Variants in MGRN1 observed in about 807,000 individuals in gnomAD.
MGRN1 encodes E3 ubiquitin-protein ligase MGRN1.
MGRN1 carries 29 observed loss-of-function variants against 69.2 expected under a neutral mutation model. That is an observed-to-expected ratio of 0.42 (90% CI 0.31 to 0.57). MGRN1 has a LOEUF of 0.57. Ranked by LOEUF, MGRN1 falls within the 20% of genes least tolerant of loss-of-function variation. The pLI is 0.15. For synonymous variants in MGRN1, 470 were observed against 344.2 expected, an observed-to-expected ratio of 1.37 and a Z score of -4.04; for missense variants, 998 against 796.2, an observed-to-expected ratio of 1.25 and a Z score of -3.05.
rs1327830148 is a variant in MGRN1 at position 4,683,844 on chromosome 16, G to A, written c.1530G>A (p.Gly510=). ...EVDESSSPQQ[G]TRAASIENVL... ...CCTAACCTCACCCTCTGCCTGCAGG[G>A]ACCCGAGCAGCTTCCATTGAGAATG... is the stretch of plus-strand genomic sequence containing the variant. Residue 510 remains glycine, a splice_region_variant and synonymous_variant, in exon 16 of 17, where the codon GGG becomes GGA. Transcript: ENST00000262370. The A allele has an allele frequency of 6.2e-7, 1 of 1,612,122 alleles. No individual in the cohort carries two copies. The highest frequency in any genetic ancestry group is 2.2e-5 in the East Asian group (1 of 44,802).
At chr16:4,675,546 C>G (rs573987323) in intron 10 of MGRN1, among the ~76,000 whole-genome samples, 1 of 152,190 alleles carries the variant, frequency 6.6e-6, no homozygotes, top group Admixed American at 6.5e-5. Flanking sequence ...CGAGACTAGC[C>G]TGGGCAACAT....
Position 4,689,059 on chromosome 16 carries a change from A to C in MGRN1, c.*151A>C, listed in dbSNP as rs754222768. ...CCGTGGTGACTCTTGATCAAAGAGC[A>C]CAGTGAACTGTCCCTTCTGAGTCTC... On this transcript the variant is annotated 3_prime_UTR_variant, in exon 17 of 17. Coordinates refer to ENST00000262370, the MANE Select transcript of MGRN1 (RefSeq NM_015246.4). 9 of 1,045,354 alleles carry C rather than the reference A, an allele frequency of 8.6e-6. No homozygotes were observed. The highest frequency in any genetic ancestry group is 1.2e-5 in the Non-Finnish European group (9 of 749,714). 64.8% of individuals were successfully genotyped at this position (1,045,354 alleles called of 1,614,324 possible). A position where few individuals can be genotyped will look rare whatever the true frequency, so the allele number is the denominator to read the frequency against.
rs1315128902 is a variant in MGRN1 at position 4,673,625 on chromosome 16, A to T, written c.923A>T (p.Tyr308Phe). 1 of 1,613,484 alleles carries T rather than the reference A, an allele frequency of 6.2e-7. No individual in the cohort carries two copies. The highest frequency in any genetic ancestry group is 1.1e-5 in the South Asian group (1 of 91,068). The change falls in exon 10 of 17, where the codon TAC becomes TTC. Residue 308 changes from tyrosine (Y) to phenylalanine (F), a missense_variant. Transcript: ENST00000262370. ...LCTSCADTLR[Y>F]QANNCPICRL... ...ACCTCCTGCGCCGACACGCTGCGCT[A>T]CCAGGCCAACAACTGCCCCATCTGC... is the stretch of plus-strand genomic sequence containing the variant.
intron 1 of MGRN1, among the ~76,000 whole-genome samples, chr16:4,639,618 G>A (rs1230922423): frequency 3.3e-5 from 5 of 152,136 alleles, no homozygotes; most frequent in Non-Finnish European, 7.4e-5. Context: ...CCCTCGGTGC[G>A]GGAGGATGAG....
chr16:4,626,459 C>A (rs1317018106), intron 1 of MGRN1, among the ~76,000 whole-genome samples: 1 of 152,188 alleles, frequency 6.6e-6, no homozygotes, highest in African/African-American at 2.4e-5. Context: ...TGCTTAACCC[C>A]CTGGGTCCCA....
rs1284708569 is a variant in MGRN1 at position 4,686,579 on chromosome 16, C to G, written c.1619-2217C>G. On this transcript the variant is annotated intron_variant, in intron 16 of 16. Coordinates refer to ENST00000262370, the MANE Select transcript of MGRN1 (RefSeq NM_015246.4). The stretch of plus-strand genomic sequence containing the variant: ...AGGCTCTTCTTCCAGCCTTGAGGGG[C>G]CCTGGAACAGTCCCAGCCCAGGCAG... 42 of 1,303,040 alleles carry G rather than the reference C, an allele frequency of 3.2e-5. 1 individual carries two copies. The highest frequency in any genetic ancestry group is 3.9e-6 in the Non-Finnish European group (4 of 1,025,440). The allele number at this position is 1,303,040 out of a possible 1,614,324, so 80.7% of individuals were successfully genotyped here.
intron 1 of MGRN1, 81 bp downstream of exon 1, chr16:4,625,129 G>T: frequency 7.6e-7 from 1 of 1,316,120 alleles, no homozygotes; most frequent in Non-Finnish European, 1.0e-6. Flanking sequence ...GGGACTCGGG[G>T]CGGGGCGCCC....
At chr16:4,666,517 C>T (rs2078809614) in intron 7 of MGRN1, among the ~76,000 whole-genome samples, 1 of 152,194 alleles carries the variant, frequency 6.6e-6, no homozygotes, top group African/African-American at 2.4e-5. Flanking sequence ...GTAGAGCCTG[C>T]TGCCATGCCA....
At chr16:4,628,511 C>A (rs962706891) in intron 1 of MGRN1, among the ~76,000 whole-genome samples, 2 of 152,102 alleles carry the variant, frequency 1.3e-5, no homozygotes, top group African/African-American at 4.8e-5. Context: ...TGCAGAGTCC[C>A]TACCCCAACC....
chr16:4,688,376 G>A (rs1011832277), intron 16 of MGRN1: 275 of 1,001,590 alleles, frequency 2.7e-4, no homozygotes, highest in Non-Finnish European at 3.2e-4. Context: ...TTCTCACCCA[G>A]GGCCGCTCCC....
At chr16:4,630,131 T>C (rs1204157179) in intron 1 of MGRN1, among the ~76,000 whole-genome samples, 1 of 150,230 alleles carries the variant, frequency 6.7e-6, no homozygotes, top group African/African-American at 2.5e-5. Context: ...ATGGGTGGAT[T>C]GCCTGAGCTC....
intron 1 of MGRN1, among the ~76,000 whole-genome samples, chr16:4,643,109 C>G (rs949037944): frequency 3.9e-5 from 6 of 152,070 alleles, no homozygotes; most frequent in African/African-American, 1.4e-4. Context: ...GCACACACCA[C>G]CATGCCTGGC....
intron 16 of MGRN1, chr16:4,686,833 G>A (rs841224): frequency 0.58 from 568,436 of 985,992 alleles, 165,326 homozygotes; most frequent in East Asian, 0.65. Flanking sequence ...TGTTCCGGTC[G>A]TGGCTTTAAC....
intron 8 of MGRN1, among the ~76,000 whole-genome samples, chr16:4,668,812 A>C (rs1251536993): frequency 6.6e-6 from 1 of 151,874 alleles, no homozygotes; most frequent in Non-Finnish European, 1.5e-5. Flanking sequence ...ACACGTATAC[A>C]GACACACACT....
intron 5 of MGRN1, chr16:4,664,198 A>G (rs941411568): frequency 2.3e-5 from 4 of 170,228 alleles, no homozygotes; most frequent in African/African-American, 4.8e-5. Flanking sequence ...TTGGCCAGAA[A>G]AAGGAAAGCA....
chr16:4,643,792 C>G (rs945427597), intron 1 of MGRN1, among the ~76,000 whole-genome samples: 2 of 152,118 alleles, frequency 1.3e-5, no homozygotes, highest in Non-Finnish European at 2.9e-5. Context: ...ATGGCCATTA[C>G]TAATACCCAA....
At chr16:4,654,717 G>A (rs1330996160) in intron 4 of MGRN1, among the ~76,000 whole-genome samples, 2 of 152,248 alleles carry the variant, frequency 1.3e-5, no homozygotes, top group Admixed American at 1.3e-4. Flanking sequence ...TGTGTCCTGT[G>A]CACAGCCCCT....
chr16:4,680,316 T>TCCCCTCAGCTTTGCCTCCGCCCC, intron 12 of MGRN1: 2 of 537,478 alleles, frequency 3.7e-6, no homozygotes, highest in Non-Finnish European at 3.3e-6. Flanking sequence ...CCCGCCGCCC[T>TCCCCTCAGCTTTGCCTCCGCCCC]CCCCTCAGCT....
chr16:4,652,033 A>T lies in MGRN1; in HGVS notation c.278A>T (p.Asp93Val). The T allele has an allele frequency of 6.2e-7, 1 of 1,613,606 alleles. No homozygotes were observed. The highest frequency in any genetic ancestry group is 8.5e-7 in the Non-Finnish European group (1 of 1,179,870). ...TLRSLVNIRK[D>V]SLRLVRYKDD... is the part of the protein sequence containing the mutation. ...CGGAGCCTGGTGAACATCCGCAAAGACTCCCTGCGGCTGGTGAGGTAACTT... is the reference window on the plus strand; with the variant it reads ...CGGAGCCTGGTGAACATCCGCAAAGTCTCCCTGCGGCTGGTGAGGTAACTT... Residue 93 changes from aspartate (D) to valine (V), a missense_variant, in exon 3 of 17, where the codon GAC becomes GTC. By Grantham distance (152) the Asp-to-Val change is radical. Transcript: ENST00000262370.
Sources: gnomAD v4.1 joint callset for allele counts (sites outside exome capture counted in the v4.1 genomes callset) on GRCh38, gnomAD v4.1.1 for gene constraint, MANE v1.5 for transcripts, NCBI Gene and HGNC (gene_info 2026-07-23, HGNC 2026-07-21) for gene names.